The following ERI1 variants were observed in gnomAD, a reference collection of about 807,000 sequenced individuals.
The protein encoded by ERI1 is exoribonuclease 1, also known as 3'-5' exoribonuclease 1.
In ERI1, 39 loss-of-function variants were observed where a neutral mutation model predicts 39.7. The observed-to-expected ratio is 0.98, with a 90% confidence interval of 0.76 to 1.28. The LOEUF (loss-of-function observed/expected upper bound fraction) is 1.28. Ranked by LOEUF, ERI1 falls within the 50% of genes most tolerant of loss-of-function variation. The pLI is 0.00. For missense variants in ERI1, 581 were observed against 416.9 expected (o/e 1.39, Z -3.43); for synonymous variants, 204 against 149.6 (o/e 1.36, Z -2.65).
intron 3 of ERI1, among the ~76,000 whole-genome samples, chr8:9,044,675 G>A (rs1358059088): frequency 2.0e-5 from 3 of 152,034 alleles, no homozygotes; most frequent in African/African-American, 4.8e-5. Flanking sequence ...ACATTAGAAA[G>A]AGAAGCAATC....
At chr8:9,043,092 C>G (rs779196101) in intron 3 of ERI1, among the ~76,000 whole-genome samples, 2 of 152,174 alleles carry the variant, frequency 1.3e-5, no homozygotes, top group Non-Finnish European at 2.9e-5. Flanking sequence ...GGTTTCTGGC[C>G]TTGGAACCAT....
intron 5 of ERI1, among the ~76,000 whole-genome samples, chr8:9,020,073 G>T (rs1817720164): frequency 6.6e-6 from 1 of 152,136 alleles, no homozygotes; most frequent in Non-Finnish European, 1.5e-5. Flanking sequence ...ATAATACTCA[G>T]CAAGATAGAA....
chr8:9,076,374 A>G (rs1160486506), intron 3 of ERI1, among the ~76,000 whole-genome samples: 4 of 152,242 alleles, frequency 2.6e-5, no homozygotes, highest in African/African-American at 9.6e-5. Flanking sequence ...TAAAGGAAAG[A>G]TATACAACAT....
At chr8:9,061,342 C>A (rs1250262075) in intron 3 of ERI1, among the ~76,000 whole-genome samples, 2 of 152,090 alleles carry the variant, frequency 1.3e-5, no homozygotes, top group African/African-American at 2.4e-5. Flanking sequence ...GGGCCAGGAA[C>A]AATGGTAATT....
downstream of ERI1, among the ~76,000 whole-genome samples, chr8:9,036,391 G>A (rs1585247901): frequency 6.6e-6 from 1 of 152,150 alleles, no homozygotes; most frequent in Non-Finnish European, 1.5e-5. Flanking sequence ...AGCCCTCAAC[G>A]TTTGAGGCAA....
At chr8:9,087,379 G>A (rs911083169) in intron 3 of ERI1, among the ~76,000 whole-genome samples, 14 of 147,048 alleles carry the variant, frequency 9.5e-5, no homozygotes, top group African/African-American at 3.5e-4. Context: ...CCTAGTAACT[G>A]TGGATTACAG....
At chr8:9,066,066 C>G (rs1798865645) in intron 3 of ERI1, among the ~76,000 whole-genome samples, 1 of 152,200 alleles carries the variant, frequency 6.6e-6, no homozygotes, top group East Asian at 1.9e-4. Context: ...ATCAACACCA[C>G]TATCTTCTCT....
chr8:9,079,680 T>C (rs547399732), intron 3 of ERI1, among the ~76,000 whole-genome samples: 11 of 151,994 alleles, frequency 7.2e-5, no homozygotes, highest in African/African-American at 2.7e-4. Context: ...TACGAGCAGG[T>C]TTGTTTGTTT....
downstream of ERI1, among the ~76,000 whole-genome samples, chr8:9,037,454 G>C (rs1197297711): frequency 3.3e-5 from 5 of 151,046 alleles, no homozygotes; most frequent in Non-Finnish European, 5.9e-5. Flanking sequence ...CATTCATTGG[G>C]CCCTTCATTT....
intron 3 of ERI1, among the ~76,000 whole-genome samples, chr8:9,058,659 A>G (rs1022220134): frequency 3.9e-5 from 6 of 152,186 alleles, no homozygotes; most frequent in Admixed American, 2.6e-4. Context: ...TTGAATTGGC[A>G]TAGGTATTTC....
chr8:9,086,802 T>C (rs1799542783), intron 3 of ERI1, among the ~76,000 whole-genome samples: 1 of 152,236 alleles, frequency 6.6e-6, no homozygotes, highest in African/African-American at 2.4e-5. Context: ...ACATATTGGC[T>C]TGGATAAATA....
At chr8:9,022,102 G>T (rs946338781) in intron 6 of ERI1, among the ~76,000 whole-genome samples, 1 of 151,766 alleles carries the variant, frequency 6.6e-6, no homozygotes, top group Non-Finnish European at 1.5e-5. Context: ...GTACCAGTTT[G>T]CACTCTTATC....
chr8:9,025,913 G>T lies in ERI1; in HGVS notation c.808-3879G>T, dbSNP rs74895009. The stretch of plus-strand genomic sequence containing the variant: ...TTGTTTCATATATACCTCATACACA[G>T]AGCCTGAAGTTAAGTTTCATACAGT... On this transcript the variant is annotated intron_variant, in intron 6 of 6. Transcript: ENST00000250263. Among the ~76,000 whole-genome samples the T allele has an allele frequency of 7.9e-3, 1,204 of 152,174 alleles. 16 individuals are homozygous for T. Among genetic ancestry groups the T allele is most frequent in the African/African-American group, 0.028 (1,157 of 41,496 alleles).
rs796414155 is a variant in ERI1, at chr8:9,031,748, G to T, written c.*1714G>T. On this transcript the variant is annotated 3_prime_UTR_variant, in exon 7 of 7. Transcript: ENST00000250263. The stretch of plus-strand genomic sequence containing the variant: ...AGAACTTCAACATTATAAGCTCTCA[G>T]TACCCTATTTTGTTGTTGTTGTTGT... 6.6e-6 allele frequency: 1 copy of T among 152,088 alleles called. No individual in the cohort carries two copies. Among genetic ancestry groups the T allele is most frequent in the African/African-American group, 2.4e-5 (1 of 41,398 alleles). 9.4% of individuals were successfully genotyped at this position (152,088 alleles called of 1,614,324 possible). A position where few individuals can be genotyped will look rare whatever the true frequency, so the allele number is the denominator to read the frequency against.
chr8:9,068,791 A>T (rs954870773), intron 3 of ERI1, among the ~76,000 whole-genome samples: 6 of 152,096 alleles, frequency 3.9e-5, no homozygotes, highest in Admixed American at 3.9e-4. Context: ...CCAGAGAGTG[A>T]TTGGCACTGT....
At chr8:9,009,455 AT>A (rs1816430289) in intron 2 of ERI1, among the ~76,000 whole-genome samples, 1 of 152,214 alleles carries the variant, frequency 6.6e-6, no homozygotes, top group Non-Finnish European at 1.5e-5. Flanking sequence ...TCCAGTTTGT[AT>A]GGTTTCTGCA....
At chr8:9,021,874 T>C (rs1376456416) in intron 6 of ERI1, among the ~76,000 whole-genome samples, 1 of 151,684 alleles carries the variant, frequency 6.6e-6, no homozygotes, top group Non-Finnish European at 1.5e-5. Context: ...TGTGTGACTA[T>C]ACCAGATTTG....
Position 9,015,739 on chromosome 8 carries a change from A to AAAT in ERI1, c.499-581_499-580insTAA, listed in dbSNP as rs10704637. On this transcript the variant is annotated intron_variant, in intron 3 of 6. Transcript: ENST00000250263. ...TCTGTCTCCAAAAAAAAAAAAAAAA[A>AAAT]AAGAGACCATCGTGAAAGCTTCTTG... Among the ~76,000 whole-genome samples the AAAT allele has an allele frequency of 1.3e-5, 2 of 150,272 alleles. 1 individual carries two copies.
At chr8:9,069,835 T>C (rs189792909) in intron 3 of ERI1, among the ~76,000 whole-genome samples, 4 of 152,370 alleles carry the variant, frequency 2.6e-5, no homozygotes, top group Non-Finnish European at 2.9e-5. Flanking sequence ...ATTGAACATA[T>C]TATTTCCTCC....
Sources: gnomAD v4.1 joint callset for allele counts (sites outside exome capture counted in the v4.1 genomes callset) on GRCh38, gnomAD v4.1.1 for gene constraint, MANE v1.5 for transcripts, NCBI Gene and HGNC (gene_info 2026-07-23, HGNC 2026-07-21) for gene names.